The following MED12L variants were observed in gnomAD, a reference collection of about 807,000 sequenced individuals.
MED12L encodes the protein mediator complex subunit 12L.
MED12L carries 60 observed loss-of-function variants against 281.3 expected under a neutral mutation model. The observed-to-expected ratio is 0.21, with a 90% CI of 0.17 to 0.26. MED12L has a LOEUF of 0.26. MED12L is among the 10% of genes least tolerant of loss of function. The probability of loss-of-function intolerance (pLI) is 1.00; values close to 1 mark genes in which losing one functional copy is unlikely to be tolerated. For missense variants in MED12L, 2,146 were observed against 2,680.9 expected, an observed-to-expected ratio of 0.80 and a Z score of 4.41; for synonymous variants, 974 against 987.2, an observed-to-expected ratio of 0.99 and a Z score of 0.25.
chr3:151,188,581 G>C, intron 13 of MED12L, 101 bp downstream of exon 13: 3 of 1,235,182 alleles, frequency 2.4e-6, no homozygotes, highest in Non-Finnish European at 3.3e-6. Context: ...AATATTCTTG[G>C]CACTGAATAT....
At chr3:151,163,161 A>T (rs147619558) in intron 8 of MED12L, among the ~76,000 whole-genome samples, 1 of 152,250 alleles carries the variant, frequency 6.6e-6, no homozygotes, top group Non-Finnish European at 1.5e-5. Flanking sequence ...GGATAACACT[A>T]CCTAGATCAT....
At chr3:151,314,544 C>G (rs1747981609) in intron 16 of MED12L, among the ~76,000 whole-genome samples, 1 of 152,158 alleles carries the variant, frequency 6.6e-6, no homozygotes, top group South Asian at 2.1e-4. Flanking sequence ...TAATGCAAAA[C>G]TTTCAGCCAG....
chr3:151,405,505 C>T (rs930774754), intron 39 of MED12L, among the ~76,000 whole-genome samples: 12 of 152,186 alleles, frequency 7.9e-5, no homozygotes, highest in African/African-American at 2.9e-4. Context: ...GATGCAGTGG[C>T]TCATACCTAT....
At chr3:151,089,793 A>G (rs572008979) in intron 2 of MED12L, among the ~76,000 whole-genome samples, 3 of 152,242 alleles carry the variant, frequency 2.0e-5, no homozygotes, top group African/African-American at 7.2e-5. Context: ...TTGTGTTATA[A>G]TACTTTGCTT....
At chr3:151,382,894 A>C in intron 33 of MED12L, 149 bp downstream of exon 33, 1 of 600,708 alleles carries the variant, frequency 1.7e-6, no homozygotes. Flanking sequence ...CTGTTTCTAA[A>C]GCCTTCTGTT....
At chr3:151,192,764 A>G (rs1264193368) in intron 15 of MED12L, 110 bp downstream of exon 15, 2 of 730,252 alleles carry the variant, frequency 2.7e-6, no homozygotes, top group Non-Finnish European at 4.7e-6. Context: ...TGTGATATGT[A>G]ATCTTGCCAT....
rs1262882066 is a variant in MED12L, at chr3:151,411,490, C to T, written c.6123C>T (p.Pro2041=). 1 of 1,614,062 alleles carries T rather than the reference C, an allele frequency of 6.2e-7. No individual in the cohort carries two copies. The highest frequency in any genetic ancestry group is 1.3e-5 in the African/African-American group (1 of 74,940). ...AGCAGGCCTCGCCGTACCTGCAGCC[C>T]CTGACTGGCTCTCAGAGGTGATACA... ...VQQQASPYLQ[P]LTGSQRLNHQ... is the part of the protein sequence containing the mutation. The change falls in exon 41 of 45, where the codon CCC becomes CCT. Residue 2041 remains proline, a synonymous_variant. Coordinates refer to ENST00000687756, the MANE Select transcript of MED12L (RefSeq NM_001393769.1).
chr3:151,166,055 A>G, intron 11 of MED12L, 73 bp downstream of exon 11: 1 of 1,337,308 alleles, frequency 7.5e-7, no homozygotes, highest in African/African-American at 1.5e-5. Flanking sequence ...CATTCAGGAA[A>G]CTCTGGCGAA....
At chr3:151,418,172 T>C (rs1378797825) in intron 43 of MED12L, among the ~76,000 whole-genome samples, 3 of 152,088 alleles carry the variant, frequency 2.0e-5, no homozygotes, top group African/African-American at 4.8e-5. Flanking sequence ...TCTCTTTCAC[T>C]CCCCCCACCT....
chr3:151,380,070 T>C lies in MED12L; in HGVS notation c.4479-43T>C, dbSNP rs1381932478. ...GAATGTTGCCAGAGGAAGTAATGCA[T>C]TATTTCTAACTAGATCTGTTGTTAT... is the stretch of plus-strand genomic sequence containing the variant. On this transcript the variant is annotated intron_variant, in intron 31 of 44. Coordinates refer to ENST00000687756, the MANE Select transcript of MED12L (RefSeq NM_001393769.1). 3.2e-6 allele frequency: 4 copies of C among 1,241,646 alleles called. No individual in the cohort carries two copies. In the South Asian group the frequency reaches 5.5e-5, roughly 17 times the overall value. 76.9% of individuals were successfully genotyped at this position (1,241,646 alleles called of 1,614,324 possible). A position where few individuals can be genotyped will look rare whatever the true frequency, so the allele number is the denominator to read the frequency against.
chr3:151,290,277 T>A (rs1407518572), intron 16 of MED12L, among the ~76,000 whole-genome samples: 1 of 152,230 alleles, frequency 6.6e-6, no homozygotes, highest in African/African-American at 2.4e-5. Flanking sequence ...CCAATTTAAT[T>A]CTGTATCTTG....
chr3:151,186,648 C>T (rs1472533053), intron 12 of MED12L, among the ~76,000 whole-genome samples: 3 of 152,208 alleles, frequency 2.0e-5, no homozygotes, highest in Non-Finnish European at 4.4e-5. Context: ...AGTGTACCTT[C>T]CTTTCCAGCA....
intron 16 of MED12L, among the ~76,000 whole-genome samples, chr3:151,226,607 C>T (rs1730536846): frequency 6.7e-6 from 1 of 149,680 alleles, no homozygotes; most frequent in African/African-American, 2.4e-5. Flanking sequence ...GAGAAGTCAG[C>T]CAGTGTTTTT....
chr3:151,113,532 A>G (rs1375634388), intron 2 of MED12L, among the ~76,000 whole-genome samples: 1 of 152,198 alleles, frequency 6.6e-6, no homozygotes, highest in African/African-American at 2.4e-5. Flanking sequence ...TCAGGGGGCA[A>G]GGGGAGAAGC....
At chr3:151,299,356 C>CTTTTCTTTTCT (rs762843885) in intron 16 of MED12L, among the ~76,000 whole-genome samples, 80 of 94,410 alleles carry the variant, frequency 8.5e-4, no homozygotes, top group East Asian at 3.3e-3. Flanking sequence ...TTCCTTCCTT[C>CTTTTCTTTTCT]TTTCTTTTCT....
intron 14 of MED12L, 26 bp downstream of exon 14, chr3:151,190,957 CT>C (rs1256736433): frequency 1.3e-6 from 2 of 1,599,832 alleles, no homozygotes; most frequent in African/African-American, 2.7e-5. Context: ...TGATGCCCCA[CT>C]CCCCCAGAAA....
chr3:151,255,305 G>T (rs948513785), intron 16 of MED12L, among the ~76,000 whole-genome samples: 1 of 152,150 alleles, frequency 6.6e-6, no homozygotes, highest in African/African-American at 2.4e-5. Flanking sequence ...TACCCTTCAT[G>T]TGTGACATGC....
chr3:151,219,353 T>A (rs1466863203), intron 16 of MED12L, among the ~76,000 whole-genome samples: 1 of 152,256 alleles, frequency 6.6e-6, no homozygotes, highest in African/African-American at 2.4e-5. Context: ...TAGTCAGCTC[T>A]GAGTTCATTA....
intron 16 of MED12L, among the ~76,000 whole-genome samples, chr3:151,310,295 A>G (rs748048915): frequency 2.6e-5 from 4 of 152,246 alleles, no homozygotes; most frequent in South Asian, 2.1e-4. Flanking sequence ...CCATAGAACA[A>G]TTATGAAGAA....
Sources: gnomAD v4.1 joint callset for allele counts (sites outside exome capture counted in the v4.1 genomes callset) on GRCh38, gnomAD v4.1.1 for gene constraint, MANE v1.5 for transcripts, NCBI Gene and HGNC (gene_info 2026-07-23, HGNC 2026-07-21) for gene names.